ANXA7: variants seen among roughly 807,000 people sequenced by gnomAD.
ANXA7 encodes the protein annexin A7, also known as annexin VII.
ANXA7 carries 55 observed loss-of-function variants against 64.9 expected under a neutral mutation model. That is an observed-to-expected ratio of 0.85 (90% CI 0.68 to 1.06). The LOEUF is 1.06. ANXA7 is among the 50% of genes least tolerant of loss of function. The pLI, the probability that ANXA7 is intolerant of heterozygous loss-of-function variation, is 0.00. For missense variants in ANXA7, 548 were observed against 582.1 expected, an observed-to-expected ratio of 0.94 and a Z score of 0.60; for synonymous variants, 200 against 192.4, an observed-to-expected ratio of 1.04 and a Z score of -0.33.
intron 12 of ANXA7, among the ~76,000 whole-genome samples, chr10:73,377,826 CGTGTGTGT>C (rs58404250): frequency 8.2e-5 from 10 of 122,590 alleles, no homozygotes; most frequent in African/African-American, 2.5e-4. Flanking sequence ...TAGGTTTCAC[CGTGTGTGT>C]GTGTGTGTGT....
chr10:73,379,078 C>T, intron 11 of ANXA7, 55 bp from the exon 12 acceptor site: 1 of 1,230,184 alleles, frequency 8.1e-7, no homozygotes, highest in South Asian at 1.3e-5. Context: ...GAAGTGTACC[C>T]CTCCAGCTTC....
intron 9 of ANXA7, among the ~76,000 whole-genome samples, chr10:73,381,781 A>G (rs1326913508): frequency 1.3e-5 from 2 of 151,730 alleles, no homozygotes; most frequent in African/African-American, 4.8e-5. Flanking sequence ...ATCCTAACCT[A>G]CTGCCCTCCT....
At chr10:73,404,498 C>T (rs1449107596) in intron 1 of ANXA7, among the ~76,000 whole-genome samples, 6 of 151,992 alleles carry the variant, frequency 3.9e-5, no homozygotes, top group South Asian at 4.2e-4. Flanking sequence ...ACAAACAAAA[C>T]GATACGATGT....
intron 1 of ANXA7, among the ~76,000 whole-genome samples, chr10:73,409,750 A>T (rs2055811105): frequency 6.6e-6 from 1 of 152,230 alleles, no homozygotes; most frequent in South Asian, 2.1e-4. Context: ...ACATCACATT[A>T]CCAGACTTCA....
At chr10:73,382,008 AG>A (rs1192260907) in intron 9 of ANXA7, among the ~76,000 whole-genome samples, 1 of 151,964 alleles carries the variant, frequency 6.6e-6, no homozygotes, top group Non-Finnish European at 1.5e-5. Context: ...CCTCCCAGGT[AG>A]CTGGGATTAC....
intron 7 of ANXA7, 58 bp from the exon 8 acceptor site, chr10:73,383,748 T>G: frequency 1.8e-6 from 2 of 1,095,792 alleles, no homozygotes; most frequent in Non-Finnish European, 2.7e-6. Context: ...GTCACTTAAA[T>G]CTTTTAAGGA....
intron 12 of ANXA7, among the ~76,000 whole-genome samples, chr10:73,376,808 A>C (rs1291188363): frequency 6.6e-6 from 1 of 152,248 alleles, no homozygotes; most frequent in Non-Finnish European, 1.5e-5. Flanking sequence ...ATACACGTAC[A>C]ATAGACTATT....
At chr10:73,389,055 T>C (rs1057267494) in intron 5 of ANXA7, among the ~76,000 whole-genome samples, 3 of 152,288 alleles carry the variant, frequency 2.0e-5, no homozygotes, top group South Asian at 2.1e-4. Flanking sequence ...CAGAGAAACC[T>C]TGCAGGCACC....
chr10:73,391,333 G>C (rs1050136479), intron 5 of ANXA7, among the ~76,000 whole-genome samples: 3 of 152,008 alleles, frequency 2.0e-5, no homozygotes, highest in African/African-American at 4.8e-5. Context: ...TCATAGAGCT[G>C]GGCACAGTGG....
chr10:73,392,860 G>C (rs1222069964), intron 5 of ANXA7, among the ~76,000 whole-genome samples: 1 of 152,150 alleles, frequency 6.6e-6, no homozygotes, highest in Non-Finnish European at 1.5e-5. Flanking sequence ...AGGGCAATCA[G>C]GCAGGAGAAA....
chr10:73,390,732 A>ATATAAATATATG (rs2055465959), intron 5 of ANXA7, among the ~76,000 whole-genome samples: 1 of 145,896 alleles, frequency 6.9e-6, no homozygotes, highest in African/African-American at 2.6e-5. Flanking sequence ...AAATATATAT[A>ATATAAATATATG]TACACACACA....
At chr10:73,407,440 G>A (rs1406917136) in intron 1 of ANXA7, among the ~76,000 whole-genome samples, 2 of 152,124 alleles carry the variant, frequency 1.3e-5, no homozygotes, top group Non-Finnish European at 2.9e-5. Context: ...TAATTCAGTA[G>A]CTCCAGGATG....
In ANXA7 at chr10:73,383,907, G is replaced by A. The variant is rs2055315953; in HGVS notation, c.634-217C>T. Among the ~76,000 whole-genome samples the A allele has an allele frequency of 2.6e-5, 4 of 152,118 alleles. No homozygotes were observed. The South Asian group carries it at 6.2e-4, about 24-fold the overall frequency. ...GAGGTCAAGGCAGGAGGATCATGAGGTCAGGAGATCAAGACCATCCTGGTT... is the reference window on the plus strand; with the variant it reads ...GAGGTCAAGGCAGGAGGATCATGAGATCAGGAGATCAAGACCATCCTGGTT... On this transcript the variant is annotated intron_variant, in intron 7 of 12. Transcript: ENST00000372921.
In ANXA7 at chr10:73,400,845, T is replaced by C. The variant is rs1424510496; in HGVS notation, c.12A>G (p.Pro4=). 1 of 1,602,834 alleles carries C rather than the reference T, an allele frequency of 6.2e-7. No individual in the cohort carries two copies. Among genetic ancestry groups the C allele is most frequent in the African/African-American group, 1.3e-5 (1 of 74,434 alleles). ...GTGGGTAGCCTGTTGGGGGATAGCC[T>C]GGGTATGACATTCTGTAACAACAAT... MSY[P]GYPPTGYPPF... Residue 4 remains proline (P), a synonymous_variant, in exon 2 of 13, where the codon CCA becomes CCG. Coordinates refer to ENST00000372921, the MANE Select transcript of ANXA7 (RefSeq NM_001156.5).
intron 1 of ANXA7, among the ~76,000 whole-genome samples, chr10:73,402,725 T>C (rs1486535152): frequency 1.3e-5 from 2 of 152,220 alleles, no homozygotes; most frequent in East Asian, 3.8e-4. Context: ...CTCCTACATA[T>C]GATTACTTTT....
chr10:73,410,005 AT>A (rs1196454542), intron 1 of ANXA7, among the ~76,000 whole-genome samples: 2 of 152,206 alleles, frequency 1.3e-5, no homozygotes, highest in African/African-American at 2.4e-5. Context: ...CAATGCAAAA[AT>A]CAACTCAAGT....
intron 7 of ANXA7, among the ~76,000 whole-genome samples, chr10:73,385,022 T>C (rs1288101660): frequency 6.6e-6 from 1 of 152,080 alleles, no homozygotes; most frequent in Non-Finnish European, 1.5e-5. Context: ...AGAGATTCTG[T>C]GTATTTTTAA....
chr10:73,409,877 T>C (rs2132705284), intron 1 of ANXA7, among the ~76,000 whole-genome samples: 1 of 152,318 alleles, frequency 6.6e-6, no homozygotes, highest in East Asian at 1.9e-4. Context: ...TACAGCCAAC[T>C]GCTCTTTGAC....
At chr10:73,401,902 CT>C (rs1436250162) in intron 1 of ANXA7, among the ~76,000 whole-genome samples, 1 of 152,172 alleles carries the variant, frequency 6.6e-6, no homozygotes, top group African/African-American at 2.4e-5. Context: ...ATCTATTTTT[CT>C]TTAAGCCAAT....
Sources: gnomAD v4.1 joint callset for allele counts (sites outside exome capture counted in the v4.1 genomes callset) on GRCh38, gnomAD v4.1.1 for gene constraint, MANE v1.5 for transcripts, NCBI Gene and HGNC (gene_info 2026-07-23, HGNC 2026-07-21) for gene names.